XYLT1: variants seen among roughly 807,000 people sequenced by gnomAD.
XYLT1 encodes the protein xylosyltransferase 1, also known as beta-D-xylosyltransferase 1.
XYLT1 carries 36 observed loss-of-function variants against 91.3 expected under a neutral mutation model. That is an observed-to-expected ratio of 0.39 (90% confidence interval 0.30 to 0.52). The LOEUF (loss-of-function observed/expected upper bound fraction) is 0.52, where lower values mean the gene tolerates loss of function less well. XYLT1 is among the 20% of genes least tolerant of loss of function. The pLI, the probability that XYLT1 is intolerant of heterozygous loss-of-function variation, is 0.68. For missense variants in XYLT1, 1,242 were observed against 1,284.5 expected (o/e 0.97, Z 0.51); for synonymous variants, 588 against 532.0 (o/e 1.11, Z -1.45).
At chr16:17,148,364 A>G (rs1234583982) in intron 6 of XYLT1, among the ~76,000 whole-genome samples, 1 of 152,184 alleles carries the variant, frequency 6.6e-6, no homozygotes, top group Non-Finnish European at 1.5e-5. Context: ...CTAACACAAT[A>G]TACAAGATAT....
chr16:17,196,875 C>T (rs2032436321), intron 5 of XYLT1, among the ~76,000 whole-genome samples: 1 of 151,800 alleles, frequency 6.6e-6, no homozygotes, highest in Admixed American at 6.6e-5. Flanking sequence ...TTGAGACCAA[C>T]ATGGTGAAAC....
At chr16:17,124,002 T>C (rs2030168579) in intron 10 of XYLT1, among the ~76,000 whole-genome samples, 1 of 152,242 alleles carries the variant, frequency 6.6e-6, no homozygotes, top group African/African-American at 2.4e-5. Context: ...TTTTCACCTT[T>C]TTACCTTAAG....
At chr16:17,221,207 C>A (rs548220767) in intron 3 of XYLT1, among the ~76,000 whole-genome samples, 2 of 152,212 alleles carry the variant, frequency 1.3e-5, no homozygotes, top group African/African-American at 2.4e-5. Flanking sequence ...AATAAAGCTA[C>A]GGGAAGCTGA....
At chr16:17,358,086 GAAAA>G (rs781591454) in intron 1 of XYLT1, 36 bp from the exon 2 acceptor site, 1 of 1,586,470 alleles carries the variant, frequency 6.3e-7, no homozygotes, top group Non-Finnish European at 8.6e-7. Context: ...CGTGAGGAGT[GAAAA>G]AAAGTTAACT....
intron 5 of XYLT1, among the ~76,000 whole-genome samples, chr16:17,164,053 A>G (rs1597161942): frequency 6.8e-6 from 1 of 147,620 alleles, no homozygotes; most frequent in East Asian, 2.0e-4. Flanking sequence ...AAAAAAAAAA[A>G]AAAAAAAAAA....
At chr16:17,300,751 G>A (rs1056106129) in intron 2 of XYLT1, among the ~76,000 whole-genome samples, 1 of 151,830 alleles carries the variant, frequency 6.6e-6, no homozygotes, top group Non-Finnish European at 1.5e-5. Context: ...GAACCACCGC[G>A]CCCAGCCTAA....
At chr16:17,204,557 G>T (rs1177232628) in intron 3 of XYLT1, among the ~76,000 whole-genome samples, 1 of 152,030 alleles carries the variant, frequency 6.6e-6, no homozygotes, top group Non-Finnish European at 1.5e-5. Context: ...TGGGGATGGG[G>T]GGCAGAGGGG....
intron 5 of XYLT1, among the ~76,000 whole-genome samples, chr16:17,190,618 A>G (rs563974447): frequency 6.6e-6 from 1 of 152,278 alleles, no homozygotes; most frequent in East Asian, 1.9e-4. Flanking sequence ...TACAAAGGAC[A>G]TGAACTCATC....
chr16:17,193,611 C>T (rs2032366701), intron 5 of XYLT1: 1 of 152,248 alleles, frequency 6.6e-6, no homozygotes, highest in Admixed American at 6.5e-5. Flanking sequence ...TGGCTGGACC[C>T]TTAAGTATCC....
At chr16:17,226,604 G>A (rs530276829) in intron 3 of XYLT1, among the ~76,000 whole-genome samples, 7 of 152,202 alleles carry the variant, frequency 4.6e-5, no homozygotes, top group East Asian at 1.9e-4. Flanking sequence ...CCTGGCCAAC[G>A]TGGCGAAACC....
At chr16:17,234,984 T>C (rs1235951905) in intron 3 of XYLT1, among the ~76,000 whole-genome samples, 2 of 152,192 alleles carry the variant, frequency 1.3e-5, no homozygotes, top group African/African-American at 2.4e-5. Context: ...TTGATCTACA[T>C]TTTTATTAAT....
chr16:17,308,044 C>A (rs987540657), intron 2 of XYLT1, among the ~76,000 whole-genome samples: 1 of 152,206 alleles, frequency 6.6e-6, no homozygotes, highest in South Asian at 2.1e-4. Flanking sequence ...GGGATATACC[C>A]TCAGTGTGTC....
chr16:17,222,520 T>C (rs536944605), intron 3 of XYLT1, among the ~76,000 whole-genome samples: 7 of 152,218 alleles, frequency 4.6e-5, no homozygotes, highest in Non-Finnish European at 8.8e-5. Flanking sequence ...CCGGGCGCAG[T>C]GGCTTACGCC....
intron 3 of XYLT1, among the ~76,000 whole-genome samples, chr16:17,207,033 G>A (rs2032659461): frequency 6.7e-6 from 1 of 150,222 alleles, no homozygotes; most frequent in Admixed American, 6.7e-5. Context: ...TTGAGAGTCA[G>A]GTTGGTTTTC....
chr16:17,383,664 C>T (rs183943837), intron 1 of XYLT1, among the ~76,000 whole-genome samples: 8 of 151,938 alleles, frequency 5.3e-5, no homozygotes, highest in Non-Finnish European at 7.4e-5. Context: ...GAGTATCCCT[C>T]AATGTCTTGG....
intron 1 of XYLT1, among the ~76,000 whole-genome samples, chr16:17,376,656 G>A (rs564626932): frequency 1.3e-4 from 19 of 151,982 alleles, no homozygotes; most frequent in Admixed American, 6.5e-4. Flanking sequence ...GTGAAACCCC[G>A]TCTCCACTAA....
At chr16:17,413,336 G>C (rs2036136863) in intron 1 of XYLT1, among the ~76,000 whole-genome samples, 1 of 152,200 alleles carries the variant, frequency 6.6e-6, no homozygotes, top group South Asian at 2.1e-4. Context: ...CATGAGCAAG[G>C]AAGGGGGTGT....
chr16:17,456,927 C>T (rs748349), intron 1 of XYLT1, among the ~76,000 whole-genome samples: 17,154 of 152,124 alleles, frequency 0.11, 1,089 homozygotes, highest in Non-Finnish European at 0.15. Context: ...GTGCCTGCCA[C>T]GTAGTGACAT....
chr16:17,294,101 T>C (rs562958912), intron 2 of XYLT1, among the ~76,000 whole-genome samples: 6 of 152,164 alleles, frequency 3.9e-5, no homozygotes, highest in Admixed American at 2.6e-4. Flanking sequence ...GTGCTGAGAA[T>C]GCAGGAGCAG....
Sources: gnomAD v4.1 joint callset for allele counts (sites outside exome capture counted in the v4.1 genomes callset) on GRCh38, gnomAD v4.1.1 for gene constraint, MANE v1.5 for transcripts, NCBI Gene and HGNC (gene_info 2026-07-23, HGNC 2026-07-21) for gene names.